The following DDIAS variants were observed in gnomAD, a reference collection of about 807,000 sequenced individuals.
The protein encoded by DDIAS is DNA damage induced apoptosis suppressor.
A neutral mutation model predicts 15.7 loss-of-function variants in DDIAS; 14 were observed. The ratio of observed to expected loss-of-function variants is 0.89; its 90% CI spans 0.59 to 1.39. DDIAS has a LOEUF of 1.39. Among genes scored for constraint, DDIAS ranks in the 40% most tolerant of loss-of-function variants. DDIAS has a pLI of 0.00. For synonymous variants in DDIAS, 355 were observed against 395.9 expected, an observed-to-expected ratio of 0.90 and a Z score of 1.23; for missense variants, 1,035 against 1,130.9, an observed-to-expected ratio of 0.92 and a Z score of 1.22.
chr11:82,908,593 G>A (rs1860472497), intron 1 of DDIAS, among the ~76,000 whole-genome samples: 1 of 152,124 alleles, frequency 6.6e-6, no homozygotes, highest in Non-Finnish European at 1.5e-5. Context: ...CCTGCACTAG[G>A]CCCCAGTGGA....
At chr11:82,925,316 G>A (rs1860836825) in intron 3 of DDIAS, among the ~76,000 whole-genome samples, 1 of 152,188 alleles carries the variant, frequency 6.6e-6, no homozygotes, top group African/African-American at 2.4e-5. Context: ...GTAGATAGAA[G>A]CCAGGTGTGA....
In DDIAS at chr11:82,932,113, T is replaced by C; in HGVS notation, c.775T>C (p.Ser259Pro). 2.5e-6 allele frequency: 4 copies of C among 1,614,202 alleles called. No homozygotes were observed. Among genetic ancestry groups the C allele is most frequent in the Non-Finnish European group, 3.4e-6 (4 of 1,180,032 alleles). Residue 259 changes from serine (S) to proline (P), a missense_variant, in exon 6 of 6, where the codon TCA (serine) becomes CCA (proline). Coordinates refer to ENST00000533655, the MANE Select transcript of DDIAS (RefSeq NM_145018.4). ...VSQLTDNDDF[S>P]ASEQSKAFGT... ...ACAACTAACAGATAATGATGATTTT[T>C]CAGCTTCAGAACAAAGTAAGGCCTT...
At position 82,932,152 on chromosome 11, in the gene DDIAS, C is replaced by G. The variant is rs1861003813; in HGVS notation, c.814C>G (p.Gln272Glu). 6.2e-7 allele frequency: 1 copy of G among 1,614,050 alleles called. No homozygotes were observed. Among genetic ancestry groups the G allele is most frequent in the African/African-American group, 1.3e-5 (1 of 74,916 alleles). The change falls in exon 6 of 6, where the codon CAG (glutamine) becomes GAG (glutamate). Residue 272 changes from glutamine (Q) to glutamate (E), a missense_variant. By Grantham distance (29) the Gln-to-Glu change is conservative. Transcript: ENST00000533655. The part of the protein sequence containing the change: ...EQSKAFGTLQ[Q>E]NRKSISIAEA... ...AAGTAAGGCCTTTGGTACTCTTCAGCAGAACAGAAAGTCCATCTCCATTGC... is the reference window on the plus strand; with the variant it reads ...AAGTAAGGCCTTTGGTACTCTTCAGGAGAACAGAAAGTCCATCTCCATTGC...
rs1285208381 is a variant in DDIAS at position 82,934,220 on chromosome 11, C to T, written c.2882C>T (p.Pro961Leu). 6.2e-7 allele frequency: 1 copy of T among 1,614,112 alleles called. No homozygotes were observed. The highest frequency in any genetic ancestry group is 8.5e-7 in the Non-Finnish European group (1 of 1,179,996). The change falls in exon 6 of 6, where the codon CCT (proline) becomes CTT (leucine). Residue 961 changes from proline (P) to leucine (L), a missense_variant. Transcript: ENST00000533655. ...IQVLAAPQLH[P>L]ILGPDSCSEV... ...GTCTTAGCAGCACCTCAGCTGCACC[C>T]TATTCTTGGACCTGATTCTTGTTCA...
rs761904070 is a variant in DDIAS, at chr11:82,933,060, C to T, written c.1722C>T (p.Asn574=). ...AGAGTGACCATTCTAGTCTAAATAACAAATATTTGAATGGATGTGGAGAAA... is the reference window on the plus strand; with the variant it reads ...AGAGTGACCATTCTAGTCTAAATAATAAATATTTGAATGGATGTGGAGAAA... ...HRESDHSSLN[N]KYLNGCGEIS... is the part of the protein sequence containing the mutation. The change falls in exon 6 of 6, where the codon AAC becomes AAT. Residue 574 remains asparagine, a synonymous_variant. Coordinates refer to ENST00000533655, the MANE Select transcript of DDIAS (RefSeq NM_145018.4). The T allele has an allele frequency of 1.8e-5, 29 of 1,603,500 alleles. No homozygotes were observed. The highest frequency in any genetic ancestry group is 2.4e-5 in the Non-Finnish European group (28 of 1,178,390).
rs1017147920 is a variant in DDIAS at position 82,918,827 on chromosome 11, GT to G, written c.113+3985del. On this transcript the variant is annotated intron_variant, in intron 3 of 5. Transcript: ENST00000533655. ...TTCCTAAATTTGTTTTTTTTGTGTG[GT>G]TTTTTTTTGTGTGTGTGTTTTTGTA... is the stretch of plus-strand genomic sequence containing the variant. Among the ~76,000 whole-genome samples the G allele has an allele frequency of 5.9e-4, 88 of 149,842 alleles. 1 individual carries two copies. Among genetic ancestry groups the G allele is most frequent in the African/African-American group, 2.0e-3 (80 of 40,376 alleles).
chr11:82,921,571 C>CTTTTTTTTTT (rs968751055), intron 3 of DDIAS, among the ~76,000 whole-genome samples: 8 of 78,122 alleles, frequency 1.0e-4, no homozygotes, highest in Non-Finnish European at 1.2e-4. Context: ...TTCTTTCTTT[C>CTTTTTTTTTT]TTTTTTTTTT....
At chr11:82,931,141 G>T (rs1447044693) in intron 5 of DDIAS, among the ~76,000 whole-genome samples, 1 of 151,940 alleles carries the variant, frequency 6.6e-6, no homozygotes, top group African/African-American at 2.4e-5. Flanking sequence ...TTTTATAAAG[G>T]AGAAGACTCA....
At chr11:82,929,590 C>G in intron 4 of DDIAS, among the ~76,000 whole-genome samples, 1 of 151,542 alleles carries the variant, frequency 6.6e-6, no homozygotes, top group African/African-American at 2.4e-5. Flanking sequence ...GTAGTCCCAG[C>G]TACGCCGGGA....
chr11:82,914,109 G>A (rs978900237), intron 2 of DDIAS: 3 of 315,600 alleles, frequency 9.5e-6, no homozygotes, highest in African/African-American at 6.9e-5. Context: ...GCTACTTTTT[G>A]TATTTAGTGG....
chr11:82,929,621 A>G (rs888098947), intron 4 of DDIAS, among the ~76,000 whole-genome samples: 3 of 150,946 alleles, frequency 2.0e-5, no homozygotes, highest in African/African-American at 4.9e-5. Flanking sequence ...GGAGAATGGC[A>G]TGAACCCAGG....
chr11:82,926,950 GT>G (rs1860875202), intron 3 of DDIAS, among the ~76,000 whole-genome samples: 2 of 152,106 alleles, frequency 1.3e-5, no homozygotes, highest in African/African-American at 4.8e-5. Flanking sequence ...ATTGCAAGCA[GT>G]TCTTTATTTT....
rs545836793 is a variant in DDIAS at position 82,928,550 on chromosome 11, G to A, written c.114-227G>A. Among the ~76,000 whole-genome samples the A allele has an allele frequency of 3.9e-5, 6 of 152,088 alleles. No homozygotes were observed. The South Asian group carries it at 1.2e-3, about 32-fold the overall frequency. On this transcript the variant is annotated intron_variant, in intron 3 of 5. Coordinates refer to ENST00000533655, the MANE Select transcript of DDIAS (RefSeq NM_145018.4). ...TCTCCTTTAGTTTTCCATCAATTTGGTATGTATTTCTATCAACTTGGGGCT... is the reference window on the plus strand; with the variant it reads ...TCTCCTTTAGTTTTCCATCAATTTGATATGTATTTCTATCAACTTGGGGCT...
At chr11:82,907,317 C>G (rs1423338357) in intron 1 of DDIAS, among the ~76,000 whole-genome samples, 1 of 151,950 alleles carries the variant, frequency 6.6e-6, no homozygotes, top group African/African-American at 2.4e-5. Context: ...GAGAATAAAA[C>G]CAAATAGACA....
chr11:82,923,815 T>A (rs902889144), intron 3 of DDIAS, among the ~76,000 whole-genome samples: 2 of 151,232 alleles, frequency 1.3e-5, no homozygotes, highest in Non-Finnish European at 3.0e-5. Context: ...CATACATCTA[T>A]AAAAAAAAAT....
At position 82,914,860 on chromosome 11, in the gene DDIAS, A is replaced by G. The variant is rs1860601567; in HGVS notation, c.113+9A>G. ...ATCCTGGTCTCCAAAAGGTAAAAGT[A>G]AAGTCTGTAAGTGTGAGAGAGGAAA... is the stretch of plus-strand genomic sequence containing the variant. On this transcript the variant is annotated intron_variant, in intron 3 of 5. Transcript: ENST00000533655. The G allele has an allele frequency of 6.6e-7, 1 of 1,525,080 alleles. No individual in the cohort carries two copies. Among genetic ancestry groups the G allele is most frequent in the Non-Finnish European group, 9.1e-7 (1 of 1,102,752 alleles). The allele number at this position is 1,525,080 out of a possible 1,614,324, so 94.5% of individuals were successfully genotyped here.
At chr11:82,929,070 C>G (rs1016057929) in intron 4 of DDIAS, 132 bp downstream of exon 4, 5 of 989,192 alleles carry the variant, frequency 5.1e-6, no homozygotes, top group Non-Finnish European at 7.3e-6. Flanking sequence ...AAAAGACAAG[C>G]AAGTAAGAAA....
intron 3 of DDIAS, among the ~76,000 whole-genome samples, chr11:82,915,578 A>AC (rs1860615922): frequency 6.6e-6 from 1 of 152,192 alleles, no homozygotes; most frequent in African/African-American, 2.4e-5. Context: ...ACTCTAAGTA[A>AC]TCCTTGAAGT....
chr11:82,923,344 C>T (rs1860795596), intron 3 of DDIAS, among the ~76,000 whole-genome samples: 1 of 152,198 alleles, frequency 6.6e-6, no homozygotes, highest in South Asian at 2.1e-4. Context: ...TAAGCCAACA[C>T]AGGAAACAGA....
Sources: allele counts gnomAD v4.1 joint callset (sites outside exome capture counted in the v4.1 genomes callset), GRCh38; gene constraint gnomAD v4.1.1; transcripts MANE v1.5; gene names NCBI Gene and HGNC (gene_info 2026-07-23, HGNC 2026-07-21).